The following OR2L2 variants were observed in gnomAD, a reference collection of about 807,000 sequenced individuals.
The protein encoded by OR2L2 is olfactory receptor family 2 subfamily L member 2, also known as olfactory receptor 2L2.
For synonymous variants in OR2L2, 156 were observed against 135.4 expected (o/e 1.15, Z -1.06); for missense variants, 378 against 375.2 (o/e 1.01, Z -0.06).
At chr1:248,033,607 TTG>T (rs1195648298) in intron 1 of OR2L2, among the ~76,000 whole-genome samples, 1 of 24,280 alleles carries the variant, frequency 4.1e-5, no homozygotes, top group African/African-American at 7.3e-5. Flanking sequence ...TGGCTAATTT[TTG>T]TTTTTTTTTT....
In OR2L2 at chr1:248,040,927, T is replaced by A. The variant is rs1455051944; in HGVS notation, c.*1721T>A. Reference sequence around the variant, plus strand: ...ATGGATCTGGATATACTCATTTCAATTAAGCATTTAGAGTTTACTAGAGTA... The same window carrying A: ...ATGGATCTGGATATACTCATTTCAAATAAGCATTTAGAGTTTACTAGAGTA... On this transcript the variant is annotated 3_prime_UTR_variant, in exon 3 of 3. Coordinates refer to ENST00000641771, the MANE Select transcript of OR2L2 (RefSeq NM_001385855.1). The A allele has an allele frequency of 6.6e-6, 1 of 152,184 alleles. No homozygotes were observed. Among genetic ancestry groups the A allele is most frequent in the African/African-American group, 2.4e-5 (1 of 41,450 alleles). The allele number at this position is 152,184 out of a possible 1,614,324, so 9.4% of individuals were successfully genotyped here.
intron 2 of OR2L2, among the ~76,000 whole-genome samples, chr1:248,036,274 C>T (rs1282003053): frequency 1.3e-5 from 2 of 151,818 alleles, no homozygotes; most frequent in African/African-American, 2.4e-5. Flanking sequence ...AGATTTTTCA[C>T]TTTCGTATTT....
chr1:248,032,455 C>T (rs988667567), intron 1 of OR2L2, among the ~76,000 whole-genome samples: 8 of 152,054 alleles, frequency 5.3e-5, no homozygotes, highest in Admixed American at 1.3e-4. Context: ...CAGTCATCTC[C>T]AGAATAGTTT....
intron 1 of OR2L2, among the ~76,000 whole-genome samples, chr1:248,032,823 G>A (rs1662654352): frequency 6.6e-6 from 1 of 152,098 alleles, no homozygotes; most frequent in Non-Finnish European, 1.5e-5. Context: ...GGGCATATAA[G>A]TATGTTTTTG....
At position 248,038,501 on chromosome 1, in the gene OR2L2, A is replaced by G. The variant is rs76653204; in HGVS notation, c.234A>G (p.Pro78=). The change falls in exon 3 of 3, where the codon CCA becomes CCG. Residue 78 remains proline, a synonymous_variant. Coordinates refer to ENST00000641771, the MANE Select transcript of OR2L2 (RefSeq NM_001385855.1). The part of the protein sequence containing the change: ...IDLNYISTIV[P]KMVYDFLYGN... Reference sequence around the variant, plus strand: ...TAAATTACATCTCCACCATTGTTCCAAAGATGGTTTATGATTTTCTGTATG... The same window carrying G: ...TAAATTACATCTCCACCATTGTTCCGAAGATGGTTTATGATTTTCTGTATG... 5 of 1,613,878 alleles carry G rather than the reference A, an allele frequency of 3.1e-6. No individual in the cohort carries two copies. In the African/African-American group the frequency reaches 6.7e-5, roughly 22 times the overall value.
chr1:248,034,799 A>G (rs1662711031), intron 1 of OR2L2, among the ~76,000 whole-genome samples: 1 of 152,208 alleles, frequency 6.6e-6, no homozygotes, highest in Non-Finnish European at 1.5e-5. Flanking sequence ...AGCCACTTGA[A>G]GCCTAGGTTC....
In OR2L2 at chr1:248,038,283, C is replaced by G; in HGVS notation, c.16C>G (p.Gln6Glu). Residue 6 changes from glutamine (Q) to glutamate (E), a missense_variant, in exon 3 of 3, where the codon CAA (glutamine) becomes GAA (glutamate). Physicochemically the swap from Gln to Glu is conservative, Grantham distance 29. Transcript: ENST00000641771. Reference protein sequence around the residue: MENYNQTSTDFILLGL... With the variant: MENYNETSTDFILLGL... ...GGAATTCCCCATGGAAAATTACAATCAAACATCAACTGATTTCATCTTATT... is the reference window on the plus strand; with the variant it reads ...GGAATTCCCCATGGAAAATTACAATGAAACATCAACTGATTTCATCTTATT... The G allele has an allele frequency of 2.5e-6, 4 of 1,607,696 alleles. No homozygotes were observed. The highest frequency in any genetic ancestry group is 3.4e-6 in the Non-Finnish European group (4 of 1,176,006).
At position 248,039,122 on chromosome 1, in the gene OR2L2, C is replaced by T. The variant is rs778440026; in HGVS notation, c.855C>T (p.Asn285=). ...VFYTILTPML[N]PIIYSLRNKE... ...ACACCATCCTCACCCCAATGCTCAA[C>T]CCCATCATCTACAGCCTGAGAAACA... is the stretch of plus-strand genomic sequence containing the variant. Residue 285 remains asparagine, a synonymous_variant, in exon 3 of 3, where the codon AAC becomes AAT. Transcript: ENST00000641771. 3 of 1,614,012 alleles carry T rather than the reference C, an allele frequency of 1.9e-6. No individual in the cohort carries two copies. In the Admixed American group the frequency reaches 5.0e-5, roughly 27 times the overall value.
chr1:248,033,859 T>C (rs1488931659), intron 1 of OR2L2, among the ~76,000 whole-genome samples: 1 of 152,088 alleles, frequency 6.6e-6, no homozygotes, highest in Non-Finnish European at 1.5e-5. Flanking sequence ...CTCTTCAACA[T>C]AGTATTGGAA....
chr1:248,039,268 T>G lies in OR2L2; in HGVS notation c.*62T>G. The G allele has an allele frequency of 6.9e-7, 1 of 1,454,988 alleles. No individual in the cohort carries two copies. Among genetic ancestry groups the G allele is most frequent in the Non-Finnish European group, 9.3e-7 (1 of 1,080,810 alleles). The allele number at this position is 1,454,988 out of a possible 1,614,324, so 90.1% of individuals were successfully genotyped here. Reference sequence around the variant, plus strand: ...ATATCAACTTAGTAGTGTACAGCAGTGAAGAAAAACATTATTACATGCCCA... The same window carrying G: ...ATATCAACTTAGTAGTGTACAGCAGGGAAGAAAAACATTATTACATGCCCA... On this transcript the variant is annotated 3_prime_UTR_variant, in exon 3 of 3. Coordinates refer to ENST00000641771, the MANE Select transcript of OR2L2 (RefSeq NM_001385855.1).
At chr1:248,036,096 A>G (rs181691208) in intron 2 of OR2L2, among the ~76,000 whole-genome samples, 7 of 152,318 alleles carry the variant, frequency 4.6e-5, no homozygotes, top group African/African-American at 1.7e-4. Flanking sequence ...CCATCTGAAT[A>G]TGGTGGCTAA....
At chr1:248,033,860 A>G (rs893134491) in intron 1 of OR2L2, among the ~76,000 whole-genome samples, 18 of 152,160 alleles carry the variant, frequency 1.2e-4, no homozygotes, top group Admixed American at 8.5e-4. Flanking sequence ...TCTTCAACAT[A>G]GTATTGGAAG....
In OR2L2 at chr1:248,039,155, G is replaced by A. The variant is rs765817519; in HGVS notation, c.888G>A (p.Val296=). The A allele has an allele frequency of 3.1e-6, 5 of 1,613,504 alleles. No homozygotes were observed. Among genetic ancestry groups the A allele is most frequent in the Admixed American group, 3.3e-5 (2 of 59,948 alleles). The stretch of plus-strand genomic sequence containing the variant: ...TCTACAGCCTGAGAAACAAGGAGGT[G>A]ATGGGGGCCCTGACACAAGTGATTC... ...PIIYSLRNKE[V]MGALTQVIQK... The change falls in exon 3 of 3, where the codon GTG becomes GTA. Residue 296 remains valine (V), a synonymous_variant. Transcript: ENST00000641771.
chr1:248,038,588 A>G lies in OR2L2; in HGVS notation c.321A>G (p.Ala107=), dbSNP rs199891672. The G allele has an allele frequency of 2.2e-5, 35 of 1,614,180 alleles. No individual in the cohort carries two copies. The highest frequency in any genetic ancestry group is 1.3e-5 in the African/African-American group (1 of 75,046). The change falls in exon 3 of 3, where the codon GCA becomes GCG. Residue 107 remains alanine (A), a synonymous_variant. Transcript: ENST00000641771. ...AGAGTTTCTTCTTCTTGACTTTAGC[A>G]GTTGCAGAAGGGCTGCTCCTGACAT... ...GIQSFFFLTL[A]VAEGLLLTSM...
At position 248,038,291 on chromosome 1, in the gene OR2L2, A is replaced by G. The variant is rs1449809695; in HGVS notation, c.24A>G (p.Ser8=). 3 of 1,611,014 alleles carry G rather than the reference A, an allele frequency of 1.9e-6. No individual in the cohort carries two copies. Among genetic ancestry groups the G allele is most frequent in the East Asian group, 2.2e-5 (1 of 44,846 alleles). Residue 8 remains serine (S), a synonymous_variant, in exon 3 of 3, where the codon TCA becomes TCG. Coordinates refer to ENST00000641771, the MANE Select transcript of OR2L2 (RefSeq NM_001385855.1). ...CCATGGAAAATTACAATCAAACATC[A>G]ACTGATTTCATCTTATTGGGGCTGT... The part of the protein sequence containing the change: MENYNQT[S]TDFILLGLFP...
intron 1 of OR2L2, among the ~76,000 whole-genome samples, chr1:248,032,884 A>G (rs1032967107): frequency 6.6e-6 from 1 of 152,170 alleles, no homozygotes; most frequent in African/African-American, 2.4e-5. Context: ...GTTGGAACCT[A>G]TACTAACTCT....
rs1572689982 is a variant in OR2L2, at chr1:248,038,502, A to G, written c.235A>G (p.Lys79Glu). ...DLNYISTIVP[K>E]MVYDFLYGNK... ...AAATTACATCTCCACCATTGTTCCA[A>G]AGATGGTTTATGATTTTCTGTATGG... Residue 79 changes from lysine to glutamate, a missense_variant, in exon 3 of 3, where the codon AAG (lysine) becomes GAG (glutamate). Lys to Glu is a moderately conservative substitution (Grantham distance 56). Transcript: ENST00000641771. 1.1e-5 allele frequency: 17 copies of G among 1,613,882 alleles called. No individual in the cohort carries two copies. In the East Asian group the frequency reaches 3.6e-4, roughly 34 times the overall value.
At chr1:248,030,494 T>C (rs531198046) in intron 1 of OR2L2, among the ~76,000 whole-genome samples, 4 of 152,200 alleles carry the variant, frequency 2.6e-5, no homozygotes, top group Non-Finnish European at 5.9e-5. Context: ...CAGGGATACA[T>C]TATATTAGAC....
chr1:248,039,189 T>A lies in OR2L2; in HGVS notation c.922T>A (p.Phe308Ile), dbSNP rs757222547. The change falls in exon 3 of 3, where the codon TTC becomes ATC. Residue 308 changes from phenylalanine to isoleucine, a missense_variant. By Grantham distance (21) the Phe-to-Ile change is conservative. Coordinates refer to ENST00000641771, the MANE Select transcript of OR2L2 (RefSeq NM_001385855.1). ...GALTQVIQKI[F>I]SVKM ...CCTGACACAAGTGATTCAGAAAATC[T>A]TCTCAGTGAAAATGTAGACATACGT... 1 of 1,609,222 alleles carries A rather than the reference T, an allele frequency of 6.2e-7. No homozygotes were observed. The highest frequency in any genetic ancestry group is 8.5e-7 in the Non-Finnish European group (1 of 1,177,468).
Sources: allele counts gnomAD v4.1 joint callset (sites outside exome capture counted in the v4.1 genomes callset), GRCh38; gene constraint gnomAD v4.1.1; transcripts MANE v1.5; gene names NCBI Gene and HGNC (gene_info 2026-07-23, HGNC 2026-07-21).